The following PRICKLE1 variants were observed in gnomAD, a reference collection of about 807,000 sequenced individuals.
PRICKLE1 encodes prickle-like protein 1.
Under a neutral mutation model 70.2 loss-of-function variants are expected in PRICKLE1, and 14 were observed. That is an observed-to-expected ratio of 0.20 (90% confidence interval 0.13 to 0.31). The LOEUF (loss-of-function observed/expected upper bound fraction) is 0.31. Ranked by LOEUF, PRICKLE1 falls within the 10% of genes least tolerant of loss-of-function variation. The probability of loss-of-function intolerance (pLI) is 1.00; values close to 1 mark genes in which losing one functional copy is unlikely to be tolerated. For missense variants in PRICKLE1, 821 were observed against 1,026.2 expected, an observed-to-expected ratio of 0.80 and a Z score of 2.73; for synonymous variants, 357 against 379.9, an observed-to-expected ratio of 0.94 and a Z score of 0.70.
At chr12:42,466,167 G>A (rs1297436676) in intron 6 of PRICKLE1, 27 bp downstream of exon 6, 2 of 1,613,074 alleles carry the variant, frequency 1.2e-6, no homozygotes, top group East Asian at 4.5e-5. Flanking sequence ...CTAGGTGACA[G>A]GGCAGACGGG....
At position 42,470,008 on chromosome 12, in the gene PRICKLE1, C is replaced by T. The variant is rs1383360752; in HGVS notation, c.246+238G>A. 3.2e-5 allele frequency: 17 copies of T among 524,428 alleles called. No individual in the cohort carries two copies. The East Asian group carries it at 3.8e-4, about 12-fold the overall frequency. 32.5% of individuals were successfully genotyped at this position (524,428 alleles called of 1,614,324 possible). A position where few individuals can be genotyped will look rare whatever the true frequency, so the allele number is the denominator to read the frequency against. ...TCTCAGGAATTTGTAGGTTCCTGAT[C>T]ATTGGTGGGTGGCTGCAAACACTAT... On this transcript the variant is annotated intron_variant, in intron 3 of 7. Transcript: ENST00000345127.
intron 1 of PRICKLE1, among the ~76,000 whole-genome samples, chr12:42,561,199 A>C (rs532613083): frequency 6.6e-6 from 1 of 152,344 alleles, no homozygotes; most frequent in South Asian, 2.1e-4. Flanking sequence ...CAAGGGACTT[A>C]TATTTAGTAA....
At chr12:42,542,658 A>G (rs994689427) in intron 1 of PRICKLE1, among the ~76,000 whole-genome samples, 3 of 152,194 alleles carry the variant, frequency 2.0e-5, no homozygotes, top group Middle Eastern at 3.2e-3. Flanking sequence ...CTCAAAAATA[A>G]TAATAATAAT....
At chr12:42,532,467 G>T (rs947600578) in intron 1 of PRICKLE1, among the ~76,000 whole-genome samples, 1 of 152,148 alleles carries the variant, frequency 6.6e-6, no homozygotes, top group Non-Finnish European at 1.5e-5. Context: ...TTTCTAGTAA[G>T]CACATTAGAA....
rs868044219 is a variant in PRICKLE1, at chr12:42,472,656, A to G, written c.-48-92T>C. 126 of 1,076,858 alleles carry G rather than the reference A, an allele frequency of 1.2e-4. 1 individual carries two copies. In the Middle Eastern group the frequency reaches 1.5e-3, roughly 12 times the overall value. 66.7% of individuals were successfully genotyped at this position (1,076,858 alleles called of 1,614,324 possible). A position where few individuals can be genotyped will look rare whatever the true frequency, so the allele number is the denominator to read the frequency against. On this transcript the variant is annotated intron_variant, in intron 1 of 7. Coordinates refer to ENST00000345127, the MANE Select transcript of PRICKLE1 (RefSeq NM_153026.3). Reference sequence around the variant, plus strand: ...AGAGCTTTTATTGAATGCTGTTAACAGACAGCTGGGCCCAGAGAAAGTAAC... The same window carrying G: ...AGAGCTTTTATTGAATGCTGTTAACGGACAGCTGGGCCCAGAGAAAGTAAC...
chr12:42,536,269 A>G (rs1459932138), intron 1 of PRICKLE1, among the ~76,000 whole-genome samples: 6 of 152,228 alleles, frequency 3.9e-5, no homozygotes, highest in Non-Finnish European at 1.5e-5. Flanking sequence ...CTAAAGAAAG[A>G]AATTAATCCA....
At position 42,458,973 on chromosome 12, in the gene PRICKLE1, A is replaced by G. The variant is rs1214969723; in HGVS notation, c.*836T>C. ...CATACAGAGCCTTTTTTAATATTGG[A>G]AAAAAAAATCAAAAAAAGTTGAATT... On this transcript the variant is annotated 3_prime_UTR_variant, in exon 8 of 8. Coordinates refer to ENST00000345127, the MANE Select transcript of PRICKLE1 (RefSeq NM_153026.3). The G allele has an allele frequency of 3.5e-5, 9 of 257,482 alleles. 1 individual carries two copies. Among genetic ancestry groups the G allele is most frequent in the South Asian group, 2.1e-4 (3 of 14,618 alleles). The allele number at this position is 257,482 out of a possible 1,614,324, so 15.9% of individuals were successfully genotyped here.
intron 1 of PRICKLE1, among the ~76,000 whole-genome samples, chr12:42,478,161 A>C (rs1196074118): frequency 1.3e-5 from 2 of 152,034 alleles, no homozygotes; most frequent in Non-Finnish European, 1.5e-5. Flanking sequence ...GATCCATTTG[A>C]GAGTGTATTT....
intron 1 of PRICKLE1, among the ~76,000 whole-genome samples, chr12:42,526,322 G>C (rs1592002019): frequency 6.6e-6 from 1 of 152,008 alleles, no homozygotes; most frequent in East Asian, 1.9e-4. Context: ...GTATGCTGAT[G>C]CAATAAGTTA....
chr12:42,571,518 G>T (rs1193287457), intron 1 of PRICKLE1, among the ~76,000 whole-genome samples: 30 of 152,230 alleles, frequency 2.0e-4, no homozygotes, highest in Admixed American at 2.0e-3. Context: ...TTTGGGGTTG[G>T]TCTTGTCTGA....
At chr12:42,555,267 G>A (rs918698096) in intron 1 of PRICKLE1, among the ~76,000 whole-genome samples, 3 of 152,150 alleles carry the variant, frequency 2.0e-5, no homozygotes, top group African/African-American at 7.2e-5. Flanking sequence ...TCACGCCATT[G>A]CACTCCAGTC....
In PRICKLE1 at chr12:42,464,692, T is replaced by G; in HGVS notation, c.1342A>C (p.Met448Leu). ...RASEHWISDN[M>L]VKSKTELKQN... is the part of the protein sequence containing the mutation. ...TTTAACTCGGTCTTACTTTTAACCA[T>G]GTTATCAGATATCCAGTGCTCACTG... The change falls in exon 7 of 8, where the codon ATG becomes CTG. Residue 448 changes from methionine (M) to leucine (L), a missense_variant. Transcript: ENST00000345127. This position sits in a 1 kb window ranked among gnomAD's most constrained non-coding sequence, Gnocchi z 4.2. The G allele has an allele frequency of 6.2e-7, 1 of 1,614,110 alleles. No individual in the cohort carries two copies. The highest frequency in any genetic ancestry group is 8.5e-7 in the Non-Finnish European group (1 of 1,180,014).
chr12:42,495,553 C>T (rs1380039148), intron 1 of PRICKLE1, among the ~76,000 whole-genome samples: 1 of 151,736 alleles, frequency 6.6e-6, no homozygotes, highest in Non-Finnish European at 1.5e-5. Context: ...TTCCAGTTCT[C>T]TTGATATTTC....
At chr12:42,495,842 C>T (rs1442454668) in intron 1 of PRICKLE1, among the ~76,000 whole-genome samples, 1 of 152,348 alleles carries the variant, frequency 6.6e-6, no homozygotes, top group South Asian at 2.1e-4. Flanking sequence ...ATCTGCCCAC[C>T]TCGGCCTCCG....
intron 1 of PRICKLE1, among the ~76,000 whole-genome samples, chr12:42,551,961 T>C (rs1031332875): frequency 4.6e-5 from 7 of 152,122 alleles, no homozygotes; most frequent in South Asian, 2.1e-4. Flanking sequence ...ACCTACAGTA[T>C]GGCATGGAAG....
At chr12:42,460,893 T>C (rs932246981) in intron 7 of PRICKLE1, among the ~76,000 whole-genome samples, 2 of 152,200 alleles carry the variant, frequency 1.3e-5, no homozygotes, top group Non-Finnish European at 2.9e-5. Flanking sequence ...TTTTTTGTTT[T>C]GTTTTGAGAC....
rs563966550 is a variant in PRICKLE1 at position 42,459,317 on chromosome 12, G to A, written c.*492C>T. On this transcript the variant is annotated 3_prime_UTR_variant, in exon 8 of 8. Coordinates refer to ENST00000345127, the MANE Select transcript of PRICKLE1 (RefSeq NM_153026.3). ...ATACAATGTTTACCTGGCCAAAGAG[G>A]GTTCGAGGGGACAAGCTGGCCTCAC... 4 of 701,960 alleles carry A rather than the reference G, an allele frequency of 5.7e-6. No individual in the cohort carries two copies. The highest frequency in any genetic ancestry group is 1.5e-5 in the South Asian group (1 of 67,578). The allele number at this position is 701,960 out of a possible 1,614,324, so 43.5% of individuals were successfully genotyped here.
At chr12:42,528,316 C>T (rs1054546234) in intron 1 of PRICKLE1, among the ~76,000 whole-genome samples, 3 of 152,068 alleles carry the variant, frequency 2.0e-5, no homozygotes, top group African/African-American at 4.8e-5. Flanking sequence ...TCAAGTGATC[C>T]TCCCACCTCG....
intron 1 of PRICKLE1, among the ~76,000 whole-genome samples, chr12:42,539,262 T>A (rs1940066596): frequency 6.6e-6 from 1 of 151,900 alleles, no homozygotes; most frequent in Admixed American, 6.6e-5. Context: ...GGTCAGGAGA[T>A]CGAGACCATC....
Sources: gnomAD v4.1 joint callset for allele counts (sites outside exome capture counted in the v4.1 genomes callset) on GRCh38, gnomAD v4.1.1 for gene constraint, Gnocchi (gnomAD v3.1) non-coding constraint, MANE v1.5 for transcripts, NCBI Gene and HGNC (gene_info 2026-07-23, HGNC 2026-07-21) for gene names.